RBPJ: variants seen among roughly 807,000 people sequenced by gnomAD.
RBPJ encodes recombining binding protein suppressor of hairless.
RBPJ carries 9 observed loss-of-function variants against 67.8 expected under a neutral mutation model. That is an observed-to-expected ratio of 0.13 (90% CI 0.08 to 0.23). The LOEUF (loss-of-function observed/expected upper bound fraction) is 0.23. Ranked by LOEUF, RBPJ falls within the 10% of genes least tolerant of loss-of-function variation. The probability of loss-of-function intolerance (pLI) is 1.00; values close to 1 mark genes in which losing one functional copy is unlikely to be tolerated. For synonymous variants in RBPJ, 198 were observed against 203.3 expected, an observed-to-expected ratio of 0.97 and a Z score of 0.22; for missense variants, 305 against 595.6, an observed-to-expected ratio of 0.51 and a Z score of 5.08.
At chr4:26,358,930 G>GT (rs1727712638) in intron 1 of RBPJ, among the ~76,000 whole-genome samples, 1 of 152,098 alleles carries the variant, frequency 6.6e-6, no homozygotes, top group South Asian at 2.1e-4. Flanking sequence ...CCCTTCCACT[G>GT]TTTTTATCCC....
chr4:26,345,673 C>G (rs921704413), intron 1 of RBPJ, among the ~76,000 whole-genome samples: 2 of 152,172 alleles, frequency 1.3e-5, no homozygotes, highest in Non-Finnish European at 2.9e-5. Flanking sequence ...CTTTTCTTAT[C>G]ACAAGTCCCC....
intron 2 of RBPJ, among the ~76,000 whole-genome samples, chr4:26,387,638 C>T (rs1577584388): frequency 6.6e-6 from 1 of 151,990 alleles, no homozygotes; most frequent in Non-Finnish European, 1.5e-5. Context: ...GAGGAATTAA[C>T]TGTATAAAGA....
intron 4 of RBPJ, among the ~76,000 whole-genome samples, chr4:26,416,054 C>A (rs1734556213): frequency 6.6e-6 from 1 of 152,076 alleles, no homozygotes; most frequent in Admixed American, 6.6e-5. Flanking sequence ...TTGTGGAAAG[C>A]ATTTATCTGG....
chr4:26,150,722 G>C, the RBPJ span, among the ~76,000 whole-genome samples: 1 of 152,176 alleles, frequency 6.6e-6, no homozygotes, highest in Non-Finnish European at 1.5e-5. Flanking sequence ...ATGGGCCAAG[G>C]ACAGTGATGG....
At chr4:26,205,451 G>A (rs1405191579) in intron 1 of RBPJ, among the ~76,000 whole-genome samples, 8 of 152,086 alleles carry the variant, frequency 5.3e-5, no homozygotes, top group South Asian at 2.1e-4. Context: ...TTGCCCCACC[G>A]CACAGTCCTA....
At chr4:26,316,512 T>TATATATTC (rs1174684888), upstream of RBPJ, among the ~76,000 whole-genome samples, 8 of 122,976 alleles carry the variant, frequency 6.5e-5, no homozygotes, top group East Asian at 1.6e-3. Flanking sequence ...TATATATTCA[T>TATATATTC]ATATATTCAT....
intron 1 of RBPJ, among the ~76,000 whole-genome samples, chr4:26,176,991 A>G (rs757291278): frequency 6.6e-5 from 10 of 152,202 alleles, no homozygotes; most frequent in Non-Finnish European, 1.2e-4. Context: ...TGAAGATGAG[A>G]TGATTCAGTA....
chr4:26,428,812 A>G lies in RBPJ; in HGVS notation c.840A>G (p.Thr280=), dbSNP rs142883441. The G allele has an allele frequency of 1.2e-6, 2 of 1,604,000 alleles. No individual in the cohort carries two copies. Among genetic ancestry groups the G allele is most frequent in the African/African-American group, 2.7e-5 (2 of 74,694 alleles). The change falls in exon 8 of 11, where the codon ACA becomes ACG. Residue 280 remains threonine (T), a synonymous_variant. Transcript: ENST00000355476. ...AATGTGCATTTTACCTTAAGGATAC[A>G]GAAAGAATGTATTTGTGCCTTTCTC... is the stretch of plus-strand genomic sequence containing the variant. The part of the protein sequence containing the change: ...LHKCAFYLKD[T]ERMYLCLSQE...
At chr4:26,184,460 G>GGCAGGCCAAGGTGATAAGCTAT (rs1403747191) in intron 1 of RBPJ, among the ~76,000 whole-genome samples, 1 of 152,074 alleles carries the variant, frequency 6.6e-6, no homozygotes, top group Non-Finnish European at 1.5e-5. Flanking sequence ...TTTTGCTGAA[G>GGCAGGCCAAGGTGATAAGCTAT]GCAGGCCAAG....
chr4:26,339,706 AAG>A (rs1192606059), intron 1 of RBPJ, among the ~76,000 whole-genome samples: 1 of 151,914 alleles, frequency 6.6e-6, no homozygotes, highest in Non-Finnish European at 1.5e-5. Context: ...CAGTGAGAAA[AAG>A]AGCATTCAAA....
intron 1 of RBPJ, among the ~76,000 whole-genome samples, chr4:26,224,253 G>A (rs1474279162): frequency 5.9e-5 from 9 of 151,862 alleles, no homozygotes; most frequent in African/African-American, 1.2e-4. Context: ...TTTTTGAGAT[G>A]GAGTCTTGCT....
chr4:26,265,133 G>C (rs1456345691), intron 1 of RBPJ, among the ~76,000 whole-genome samples: 2 of 152,124 alleles, frequency 1.3e-5, no homozygotes, highest in African/African-American at 4.8e-5. Flanking sequence ...AAACTGAATG[G>C]GAAAAGTTAC....
At chr4:26,386,629 C>T (rs1005588390) in intron 2 of RBPJ, among the ~76,000 whole-genome samples, 16 of 152,126 alleles carry the variant, frequency 1.1e-4, no homozygotes, top group African/African-American at 3.9e-4. Context: ...AGTCTTGAGT[C>T]TTATGTAGTG....
rs1720634417 is a variant in RBPJ, at chr4:26,264,081, T to C, written c.-166-98365T>C. Reference sequence around the variant, plus strand: ...TAGTAGAGACGGGGTTTCACTATGTTGGCCAGGCTGCAGGCTGGTCTTGAA... The same window carrying C: ...TAGTAGAGACGGGGTTTCACTATGTCGGCCAGGCTGCAGGCTGGTCTTGAA... On this transcript the variant is annotated intron_variant, in intron 1 of 4. Transcript: ENST00000512351. The surrounding 1 kb of genome is among the most constrained non-coding windows in gnomAD (Gnocchi z 4.1). Among the ~76,000 whole-genome samples, 1 of 150,992 alleles carries C rather than the reference T, an allele frequency of 6.6e-6. No homozygotes were observed. Among genetic ancestry groups the C allele is most frequent in the Admixed American group, 6.6e-5 (1 of 15,148 alleles).
chr4:26,281,793 C>T (rs1329474385), intron 1 of RBPJ, among the ~76,000 whole-genome samples: 2 of 152,182 alleles, frequency 1.3e-5, no homozygotes, highest in African/African-American at 2.4e-5. Flanking sequence ...ATGAGCTACA[C>T]GTAAATAATC....
Position 26,178,771 on chromosome 4 carries a change from G to A in RBPJ, c.-167+15157G>A, listed in dbSNP as rs541917928. Reference sequence around the variant, plus strand: ...CGGGATGCTCAAAGTCCACAGAACTGTGCCGTTTGGAATTTTTACAAAACC... The same window carrying A: ...CGGGATGCTCAAAGTCCACAGAACTATGCCGTTTGGAATTTTTACAAAACC... On this transcript the variant is annotated intron_variant, in intron 1 of 4. Transcript: ENST00000512351. Among the ~76,000 whole-genome samples the A allele has an allele frequency of 2.6e-5, 4 of 151,452 alleles. No individual in the cohort carries two copies. In the South Asian group the frequency reaches 8.4e-4, roughly 32 times the overall value.
intron 3 of RBPJ, among the ~76,000 whole-genome samples, chr4:26,406,986 A>G (rs994692821): frequency 6.6e-6 from 1 of 152,194 alleles, no homozygotes; most frequent in Admixed American, 6.5e-5. Context: ...GAACTTTTCT[A>G]CTTTCTACAT....
At chr4:26,318,927 G>A (rs972631810), upstream of RBPJ, among the ~76,000 whole-genome samples, 3 of 150,746 alleles carry the variant, frequency 2.0e-5, no homozygotes, top group African/African-American at 2.4e-5. Context: ...AATCCAGGAG[G>A]CGGAGCTTGC....
chr4:26,160,296 C>T (rs1401591859), upstream of RBPJ, among the ~76,000 whole-genome samples: 1 of 152,206 alleles, frequency 6.6e-6, no homozygotes, highest in Non-Finnish European at 1.5e-5. Flanking sequence ...TGAATTCAAT[C>T]ACATGAACAC....
Sources: allele counts gnomAD v4.1 joint callset (sites outside exome capture counted in the v4.1 genomes callset), GRCh38; gene constraint gnomAD v4.1.1; non-coding constraint Gnocchi (gnomAD v3.1); transcripts MANE v1.5; gene names NCBI Gene and HGNC (gene_info 2026-07-23, HGNC 2026-07-21).